The following ARID4B variants were observed in gnomAD, a reference collection of about 807,000 sequenced individuals.
The protein encoded by ARID4B is AT-rich interaction domain 4B.
A neutral mutation model predicts 147.5 loss-of-function variants in ARID4B; 26 were observed. The observed-to-expected ratio is 0.18, with a 90% CI of 0.13 to 0.24. The LOEUF is 0.24. Ranked by LOEUF, ARID4B falls within the 10% of genes least tolerant of loss-of-function variation. The probability of loss-of-function intolerance (pLI) is 1.00; values close to 1 mark genes in which losing one functional copy is unlikely to be tolerated. For missense variants in ARID4B, 1,179 were observed against 1,511.5 expected (o/e 0.78, Z 3.65); for synonymous variants, 512 against 507.9 (o/e 1.01, Z -0.11).
rs578240161 is a variant in ARID4B, at chr1:235,169,672, T to C, written c.3812-1020A>G. Among the ~76,000 whole-genome samples, 905 of 151,916 alleles carry C rather than the reference T, an allele frequency of 6.0e-3. 14 individuals carry two copies. Among genetic ancestry groups the C allele is most frequent in the African/African-American group, 0.021 (862 of 41,446 alleles). ...TGCCTCAGCCTCCTTTTTTTTTTTT[T>C]TCCTTTGAGATGGGGGTCTTGCTCT... is the stretch of plus-strand genomic sequence containing the variant. On this transcript the variant is annotated intron_variant, in intron 23 of 23. Coordinates refer to ENST00000264183, the MANE Select transcript of ARID4B (RefSeq NM_016374.6).
chr1:235,171,242 C>T (rs1387672973), intron 23 of ARID4B, among the ~76,000 whole-genome samples: 6 of 151,924 alleles, frequency 3.9e-5, no homozygotes, highest in Non-Finnish European at 8.8e-5. Flanking sequence ...CATCCTGCAT[C>T]CTGGCCAACA....
At chr1:235,260,810 G>T in intron 2 of ARID4B, 58 bp from the exon 3 acceptor site, 1 of 1,236,006 alleles carries the variant, frequency 8.1e-7, no homozygotes, top group Non-Finnish European at 1.2e-6. Flanking sequence ...CCCATAATCA[G>T]ACCTCAGAAT....
At chr1:235,301,776 C>G (rs1429048408) in intron 2 of ARID4B, among the ~76,000 whole-genome samples, 4 of 151,284 alleles carry the variant, frequency 2.6e-5, no homozygotes, top group African/African-American at 9.7e-5. Context: ...GTGCAGTGGC[C>G]TGATCTCAGC....
chr1:235,172,847 CTGAATAAGGTTGAGGCAGA>C (rs1460324472), intron 22 of ARID4B, 83 bp from the exon 23 acceptor site: 2 of 1,179,856 alleles, frequency 1.7e-6, no homozygotes, highest in African/African-American at 3.2e-5. Context: ...AGCATGGCTG[CTGAATAAGGTTGAGGCAGA>C]TGAACTAAAA....
chr1:235,194,222 A>G lies in ARID4B; in HGVS notation c.1927-11T>C. On this transcript the variant is annotated splice_polypyrimidine_tract_variant and intron_variant, in intron 18 of 23. Coordinates refer to ENST00000264183, the MANE Select transcript of ARID4B (RefSeq NM_016374.6). ...TTTGTCTAATTTATTCTAGGTTAAG[A>G]AAAAAAGTATGTCGTAATTTATCAT... is the stretch of plus-strand genomic sequence containing the variant. 1 of 1,571,644 alleles carries G rather than the reference A, an allele frequency of 6.4e-7. No homozygotes were observed. Among genetic ancestry groups the G allele is most frequent in the Non-Finnish European group, 8.7e-7 (1 of 1,143,594 alleles).
At chr1:235,172,841 T>C (rs1663465917) in intron 22 of ARID4B, 77 bp from the exon 23 acceptor site, 1 of 1,224,138 alleles carries the variant, frequency 8.2e-7, no homozygotes, top group Non-Finnish European at 1.1e-6. Flanking sequence ...ACATCGAGCA[T>C]GGCTGCTGAA....
chr1:235,226,067 C>G (rs1170753346), intron 11 of ARID4B, among the ~76,000 whole-genome samples: 1 of 152,136 alleles, frequency 6.6e-6, no homozygotes, highest in Non-Finnish European at 1.5e-5. Context: ...TAATAAACAG[C>G]ACAATTTTTC....
At chr1:235,254,727 A>T (rs1669841832) in intron 5 of ARID4B, among the ~76,000 whole-genome samples, 1 of 151,998 alleles carries the variant, frequency 6.6e-6, no homozygotes, top group Non-Finnish European at 1.5e-5. Flanking sequence ...TAAGAAAAAG[A>T]TAAATCATCT....
chr1:235,269,951 G>GT (rs201733508), intron 2 of ARID4B, among the ~76,000 whole-genome samples: 2,110 of 151,288 alleles, frequency 0.014, 57 homozygotes, highest in African/African-American at 0.049. Context: ...TTGTTTGTCT[G>GT]TTTTTTTTGC....
chr1:235,292,013 C>A (rs902845902), intron 2 of ARID4B, among the ~76,000 whole-genome samples: 1 of 152,128 alleles, frequency 6.6e-6, no homozygotes, highest in East Asian at 1.9e-4. Context: ...AGGGTTTTTA[C>A]TATATTCTTT....
At chr1:235,229,457 G>T in intron 10 of ARID4B, 72 bp from the exon 11 acceptor site, 5 of 1,094,180 alleles carry the variant, frequency 4.6e-6, no homozygotes, top group African/African-American at 1.6e-5. Context: ...TATTAAACAC[G>T]ATAAAGAAAT....
At chr1:235,323,227 A>G (rs1200117845) in intron 2 of ARID4B, among the ~76,000 whole-genome samples, 1 of 151,652 alleles carries the variant, frequency 6.6e-6, no homozygotes, top group African/African-American at 2.4e-5. Context: ...TTTAGTAGAG[A>G]CGGGGTTTTC....
chr1:235,241,676 G>A (rs1668990389), intron 7 of ARID4B, among the ~76,000 whole-genome samples: 3 of 151,822 alleles, frequency 2.0e-5, no homozygotes, highest in South Asian at 4.2e-4. Context: ...CTGCCACCAC[G>A]CCCAGCTAAT....
intron 2 of ARID4B, among the ~76,000 whole-genome samples, chr1:235,262,896 T>TA (rs1279141095): frequency 2.0e-5 from 3 of 152,212 alleles, no homozygotes; most frequent in African/African-American, 7.2e-5. Flanking sequence ...GTGGTAATCA[T>TA]AAAATGTACA....
intron 2 of ARID4B, 85 bp downstream of exon 2, chr1:235,326,829 G>C (rs894101225): frequency 5.2e-6 from 8 of 1,540,284 alleles, no homozygotes; most frequent in African/African-American, 1.4e-5. Flanking sequence ...GCAAAACTCG[G>C]AAGCCCCACA....
chr1:235,181,990 TCTC>T lies in ARID4B; in HGVS notation c.2926_2928del (p.Glu976del). 6.2e-7 allele frequency: 1 copy of T among 1,614,156 alleles called. No homozygotes were observed. The highest frequency in any genetic ancestry group is 8.5e-7 in the Non-Finnish European group (1 of 1,180,030). The stretch of plus-strand genomic sequence containing the variant: ...TCTAGTTCTACACTGGGTGAACAAC[TCTC>T]CTCTTCAGCCACAGTCTGCAGTGAC... On this transcript the variant is annotated inframe_deletion, in exon 20 of 24. Coordinates refer to ENST00000264183, the MANE Select transcript of ARID4B (RefSeq NM_016374.6).
intron 2 of ARID4B, among the ~76,000 whole-genome samples, chr1:235,275,945 G>A (rs995089708): frequency 6.6e-6 from 1 of 151,976 alleles, no homozygotes; most frequent in African/African-American, 2.4e-5. Flanking sequence ...AAGACCAGCC[G>A]GGACAACACG....
chr1:235,269,604 C>T (rs1280644269), intron 2 of ARID4B, among the ~76,000 whole-genome samples: 1 of 152,014 alleles, frequency 6.6e-6, no homozygotes, highest in African/African-American at 2.4e-5. Flanking sequence ...TGAGTACATA[C>T]ATATGTACAC....
chr1:235,236,365 C>CATAAAAA (rs1668553882), intron 8 of ARID4B, among the ~76,000 whole-genome samples: 1 of 151,840 alleles, frequency 6.6e-6, no homozygotes, highest in Non-Finnish European at 1.5e-5. Context: ...ATTAAAAATC[C>CATAAAAA]TTAGATTTTT....
Sources: allele counts gnomAD v4.1 joint callset (sites outside exome capture counted in the v4.1 genomes callset), GRCh38; gene constraint gnomAD v4.1.1; transcripts MANE v1.5; gene names NCBI Gene and HGNC (gene_info 2026-07-23, HGNC 2026-07-21).